CADM2: variants seen among roughly 807,000 people sequenced by gnomAD.
CADM2 encodes the protein cell adhesion molecule 2.
CADM2 carries 12 observed loss-of-function variants against 49.8 expected under a neutral mutation model. The ratio of observed to expected loss-of-function variants is 0.24; its 90% CI spans 0.15 to 0.39. The LOEUF (loss-of-function observed/expected upper bound fraction) is 0.39, where lower values mean the gene tolerates loss of function less well. Among genes scored for constraint, CADM2 ranks in the 10% least tolerant of loss-of-function variants. CADM2 has a pLI of 1.00. For synonymous variants in CADM2, 214 were observed against 175.4 expected (o/e 1.22, Z -1.74); for missense variants, 378 against 492.3 (o/e 0.77, Z 2.20).
chr3:85,180,750 A>T (rs911584384), intron 1 of CADM2, among the ~76,000 whole-genome samples: 1 of 152,168 alleles, frequency 6.6e-6, no homozygotes, highest in Non-Finnish European at 1.5e-5. Flanking sequence ...TGTTGTTCTG[A>T]TTAAAAGTAA....
chr3:85,332,256 T>G (rs1015576145), intron 1 of CADM2, among the ~76,000 whole-genome samples: 6 of 152,068 alleles, frequency 3.9e-5, no homozygotes, highest in Non-Finnish European at 5.9e-5. Context: ...TGTTGGATCC[T>G]GAGAAATACA....
intron 3 of CADM2, among the ~76,000 whole-genome samples, chr3:85,833,780 C>A (rs899620860): frequency 1.3e-5 from 2 of 151,530 alleles, no homozygotes; most frequent in East Asian, 1.9e-4. Flanking sequence ...AAAGCTATAT[C>A]ATCATCATCA....
At chr3:85,387,147 A>T (rs1229718266) in intron 1 of CADM2, among the ~76,000 whole-genome samples, 2 of 152,164 alleles carry the variant, frequency 1.3e-5, no homozygotes, top group Non-Finnish European at 2.9e-5. Flanking sequence ...AGTAGCAAAA[A>T]GGGATGGAAA....
intron 1 of CADM2, among the ~76,000 whole-genome samples, chr3:85,045,540 G>A (rs930065988): frequency 6.6e-6 from 1 of 151,976 alleles, no homozygotes; most frequent in Non-Finnish European, 1.5e-5. Flanking sequence ...ACTATCTCAG[G>A]GTTGGATAGA....
intron 1 of CADM2, among the ~76,000 whole-genome samples, chr3:85,066,673 C>T (rs747084237): frequency 1.8e-4 from 27 of 152,150 alleles, no homozygotes; most frequent in Non-Finnish European, 2.9e-4. Context: ...TCTACTCTTT[C>T]ACCTCACACT....
At chr3:85,857,192 C>T (rs1008635122) in intron 3 of CADM2, among the ~76,000 whole-genome samples, 2 of 152,138 alleles carry the variant, frequency 1.3e-5, no homozygotes, top group African/African-American at 4.8e-5. Context: ...CCACTCTAAT[C>T]ACCTAAAGGC....
intron 3 of CADM2, among the ~76,000 whole-genome samples, chr3:85,842,434 A>AT (rs1483203686): frequency 6.6e-6 from 1 of 152,034 alleles, no homozygotes; most frequent in African/African-American, 2.4e-5. Context: ...GACAGCTGCT[A>AT]TTTTTTTCAT....
chr3:85,494,323 T>C (rs927105192), intron 1 of CADM2, among the ~76,000 whole-genome samples: 4 of 152,222 alleles, frequency 2.6e-5, no homozygotes, highest in Admixed American at 6.5e-5. Context: ...TTTTAGAATA[T>C]GGTTCCAATT....
At chr3:85,714,655 C>T (rs1050938245) in intron 1 of CADM2, among the ~76,000 whole-genome samples, 12 of 152,064 alleles carry the variant, frequency 7.9e-5, no homozygotes, top group African/African-American at 2.9e-4. Flanking sequence ...TGGTCTCGAT[C>T]TCCTGACCTC....
intron 1 of CADM2, among the ~76,000 whole-genome samples, chr3:85,094,786 C>G (rs2037731795): frequency 6.6e-6 from 1 of 152,014 alleles, no homozygotes; most frequent in Non-Finnish European, 1.5e-5. Flanking sequence ...TAACACTATC[C>G]CTAGTGGTAC....
At chr3:85,086,543 G>A (rs1306923217) in intron 1 of CADM2, among the ~76,000 whole-genome samples, 4 of 134,098 alleles carry the variant, frequency 3.0e-5, no homozygotes, top group African/African-American at 5.7e-5. Flanking sequence ...ATGGAGTCTC[G>A]CTTTGTTGCC....
chr3:85,275,378 C>T (rs893952797), intron 1 of CADM2, among the ~76,000 whole-genome samples: 3 of 151,352 alleles, frequency 2.0e-5, no homozygotes, highest in African/African-American at 7.3e-5. Flanking sequence ...TGCTGGGCAT[C>T]CCGCTGTTTA....
chr3:85,505,651 A>G (rs995747250), intron 1 of CADM2, among the ~76,000 whole-genome samples: 1 of 152,198 alleles, frequency 6.6e-6, no homozygotes, highest in South Asian at 2.1e-4. Flanking sequence ...TAAAGTAGCC[A>G]TCATATGTTA....
chr3:85,926,078 A>G (rs1468607767), intron 6 of CADM2, among the ~76,000 whole-genome samples: 1 of 151,848 alleles, frequency 6.6e-6, no homozygotes, highest in Non-Finnish European at 1.5e-5. Flanking sequence ...AGGAGCTTGC[A>G]GTGAGCCGAG....
At position 86,023,134 on chromosome 3, in the gene CADM2, A is replaced by G. The variant is rs1031650898; in HGVS notation, c.971-42471A>G. Reference sequence around the variant, plus strand: ...AGTATAAAAAGGGAGGAAAAAGCAAATATCAAAAATGCAATGTGCTACACA... The same window carrying G: ...AGTATAAAAAGGGAGGAAAAAGCAAGTATCAAAAATGCAATGTGCTACACA... On this transcript the variant is annotated intron_variant, in intron 8 of 9. Transcript: ENST00000383699. Among the ~76,000 whole-genome samples the G allele has an allele frequency of 2.0e-5, 3 of 151,900 alleles. No individual in the cohort carries two copies. The South Asian group carries it at 6.2e-4, about 32-fold the overall frequency.
chr3:84,966,503 G>A (rs554553706), intron 1 of CADM2, among the ~76,000 whole-genome samples: 97 of 151,910 alleles, frequency 6.4e-4, no homozygotes, highest in African/African-American at 2.2e-3. Context: ...TTCTCAGGCT[G>A]CAACAACGAT....
chr3:86,032,271 T>A (rs999680896), intron 8 of CADM2, among the ~76,000 whole-genome samples: 99 of 151,968 alleles, frequency 6.5e-4, no homozygotes, highest in African/African-American at 2.3e-3. Context: ...TTCTGGTAAT[T>A]TGTATGCCAG....
At chr3:85,338,384 T>G (rs1372631073) in intron 1 of CADM2, among the ~76,000 whole-genome samples, 2 of 151,604 alleles carry the variant, frequency 1.3e-5, no homozygotes, top group Non-Finnish European at 1.5e-5. Context: ...TACAGAGTTT[T>G]TGTTTGTTTG....
intron 1 of CADM2, among the ~76,000 whole-genome samples, chr3:85,707,783 C>T (rs976303223): frequency 6.6e-6 from 1 of 152,040 alleles, no homozygotes; most frequent in Non-Finnish European, 1.5e-5. Context: ...TTCCTTCCGT[C>T]TAAATTTTAA....
Sources: gnomAD v4.1 joint callset for allele counts (sites outside exome capture counted in the v4.1 genomes callset) on GRCh38, gnomAD v4.1.1 for gene constraint, MANE v1.5 for transcripts, NCBI Gene and HGNC (gene_info 2026-07-23, HGNC 2026-07-21) for gene names.